Variants in TAB2 observed in about 807,000 individuals in gnomAD.
TAB2 encodes TGF-beta-activated kinase 1 and MAP3K7-binding protein 2.
Under a neutral mutation model 65.0 loss-of-function variants are expected in TAB2, and 3 were observed. That is an observed-to-expected ratio of 0.05 (90% CI 0.02 to 0.12). The LOEUF (loss-of-function observed/expected upper bound fraction) is 0.12. Ranked by LOEUF, TAB2 falls within the 10% of genes least tolerant of loss-of-function variation. The pLI, the probability that TAB2 is intolerant of heterozygous loss-of-function variation, is 1.00. For missense variants in TAB2, 623 were observed against 840.3 expected, an observed-to-expected ratio of 0.74 and a Z score of 3.20; for synonymous variants, 298 against 285.1, an observed-to-expected ratio of 1.05 and a Z score of -0.46.
intron 1 of TAB2, among the ~76,000 whole-genome samples, chr6:149,262,167 C>T (rs533194135): frequency 1.1e-4 from 17 of 152,306 alleles, no homozygotes; most frequent in Non-Finnish European, 1.5e-5. Flanking sequence ...GATGATGAGG[C>T]TCTCAATGAT....
intron 1 of TAB2, among the ~76,000 whole-genome samples, chr6:149,234,864 G>GA (rs386408903): frequency 0.16 from 15,399 of 95,236 alleles, 1,187 homozygotes; most frequent in East Asian, 0.37. Flanking sequence ...TAGAGAGTGT[G>GA]AAAAAAAAAA....
chr6:149,310,576 T>TTA (rs1562409071), intron 1 of TAB2, among the ~76,000 whole-genome samples: 1 of 151,292 alleles, frequency 6.6e-6, no homozygotes, highest in African/African-American at 2.4e-5. Flanking sequence ...ATATTTTTTT[T>TTA]AAAATTGCAT....
intron 1 of TAB2, among the ~76,000 whole-genome samples, chr6:149,368,105 A>G (rs1781098358): frequency 6.6e-6 from 1 of 152,320 alleles, no homozygotes; most frequent in African/African-American, 2.4e-5. Flanking sequence ...TCTACCAGCC[A>G]CCAACATTCA....
chr6:149,334,977 A>G (rs1418325686), intron 1 of TAB2, among the ~76,000 whole-genome samples: 1 of 152,104 alleles, frequency 6.6e-6, no homozygotes, highest in Admixed American at 6.6e-5. Flanking sequence ...CCAGCATGGT[A>G]TTGTCAGGCT....
intron 3 of TAB2, among the ~76,000 whole-genome samples, chr6:149,389,404 G>C (rs1781907602): frequency 6.6e-6 from 1 of 151,958 alleles, no homozygotes; most frequent in Admixed American, 6.5e-5. Context: ...CCAGCACTTT[G>C]GGAGCCCGAG....
At chr6:149,226,086 C>T (rs1457247299) in intron 1 of TAB2, among the ~76,000 whole-genome samples, 2 of 152,016 alleles carry the variant, frequency 1.3e-5, no homozygotes, top group African/African-American at 4.8e-5. Context: ...ACACAACAGC[C>T]ACCACCAGGA....
intron 1 of TAB2, among the ~76,000 whole-genome samples, chr6:149,352,678 C>A (rs570151): frequency 1 from 151,712 of 152,340 alleles, 75,544 homozygotes; most frequent in Middle Eastern, 1. Flanking sequence ...TATCAACTAG[C>A]GGTCTTGTAG....
chr6:149,374,139 C>T (rs1362636865), intron 2 of TAB2, among the ~76,000 whole-genome samples: 2 of 152,154 alleles, frequency 1.3e-5, no homozygotes, highest in African/African-American at 4.8e-5. Flanking sequence ...TTTATCCTGC[C>T]TCTTCTGTGC....
chr6:149,248,057 C>T (rs1263379949), intron 1 of TAB2, among the ~76,000 whole-genome samples: 1 of 152,148 alleles, frequency 6.6e-6, no homozygotes, highest in African/African-American at 2.4e-5. Context: ...GCACATGCAT[C>T]CTAGAACTTA....
At chr6:149,398,899 C>T (rs984938996) in intron 5 of TAB2, among the ~76,000 whole-genome samples, 3 of 151,958 alleles carry the variant, frequency 2.0e-5, no homozygotes, top group Admixed American at 6.5e-5. Flanking sequence ...ACCACTTACC[C>T]GTGTTTATGA....
At chr6:149,320,887 G>C (rs930190461) in intron 1 of TAB2, among the ~76,000 whole-genome samples, 16 of 152,086 alleles carry the variant, frequency 1.1e-4, no homozygotes, top group Non-Finnish European at 2.1e-4. Flanking sequence ...AACACTAGTA[G>C]CACTTTTCCT....
intron 1 of TAB2, among the ~76,000 whole-genome samples, chr6:149,227,788 CTG>C (rs1777314284): frequency 6.6e-6 from 1 of 152,162 alleles, no homozygotes. Context: ...TTAAAATAAT[CTG>C]TGAGATGGGA....
intron 1 of TAB2, among the ~76,000 whole-genome samples, chr6:149,329,296 T>A (rs1315264925): frequency 6.6e-6 from 1 of 151,434 alleles, no homozygotes; most frequent in Non-Finnish European, 1.5e-5. Context: ...ATTAAGGCAC[T>A]GATAATGGGG....
chr6:149,274,944 A>T (rs1170211061), intron 1 of TAB2, among the ~76,000 whole-genome samples: 1 of 152,086 alleles, frequency 6.6e-6, no homozygotes, highest in Non-Finnish European at 1.5e-5. Flanking sequence ...AGACCCCTGG[A>T]CCCTGGTGTA....
intron 1 of TAB2, among the ~76,000 whole-genome samples, chr6:149,219,355 T>C (rs982372444): frequency 1.3e-5 from 2 of 150,396 alleles, no homozygotes; most frequent in Non-Finnish European, 2.9e-5. Flanking sequence ...CTGGGACAAG[T>C]ATATAAGTAA....
chr6:149,399,207 A>G lies in TAB2; in HGVS notation c.1939+23A>G, dbSNP rs765535732. 6.9e-6 allele frequency: 11 copies of G among 1,605,782 alleles called. No homozygotes were observed. In the South Asian group the frequency reaches 1.1e-4, roughly 16 times the overall value. ...AAGGTTAGTGTATCCATTAAATGTG[A>G]AAACTGTTACTTTTGAAAAGCAAAA... On this transcript the variant is annotated intron_variant, in intron 6 of 6. Transcript: ENST00000637181.
chr6:149,318,983 G>A (rs1002716343), intron 1 of TAB2, among the ~76,000 whole-genome samples: 4 of 152,214 alleles, frequency 2.6e-5, no homozygotes, highest in African/African-American at 9.6e-5. Flanking sequence ...TAGGCCCCCA[G>A]TGCAGGCTGT....
Position 149,409,862 on chromosome 6 carries a change from G to C in TAB2, c.*143G>C, listed in dbSNP as rs1026070239. ...GGTGTTCTGCTAATGTTAAATGTCA[G>C]CCCACAGAGCTAATAATACCTCAGT... is the stretch of plus-strand genomic sequence containing the variant. On this transcript the variant is annotated 3_prime_UTR_variant, in exon 7 of 7. Transcript: ENST00000637181. The C allele has an allele frequency of 2.2e-6, 2 of 902,980 alleles. No individual in the cohort carries two copies. Among genetic ancestry groups the C allele is most frequent in the Admixed American group, 2.0e-5 (1 of 49,920 alleles). 55.9% of individuals were successfully genotyped at this position (902,980 alleles called of 1,614,324 possible).
chr6:149,284,990 C>T (rs919375076), intron 1 of TAB2, among the ~76,000 whole-genome samples: 7 of 152,118 alleles, frequency 4.6e-5, no homozygotes, highest in African/African-American at 1.4e-4. Flanking sequence ...AGCAGGAGAG[C>T]GCTGTTTTGG....
Sources: gnomAD v4.1 joint callset for allele counts (sites outside exome capture counted in the v4.1 genomes callset) on GRCh38, gnomAD v4.1.1 for gene constraint, MANE v1.5 for transcripts, NCBI Gene and HGNC (gene_info 2026-07-23, HGNC 2026-07-21) for gene names.